The following GFPT1 variants were observed in gnomAD, a reference collection of about 807,000 sequenced individuals.
The protein encoded by GFPT1 is glutamine--fructose-6-phosphate aminotransferase [isomerizing] 1.
Under a neutral mutation model 92.0 loss-of-function variants are expected in GFPT1, and 40 were observed. The ratio of observed to expected loss-of-function variants is 0.43; its 90% confidence interval spans 0.34 to 0.57. The LOEUF is 0.57. Ranked by LOEUF, GFPT1 falls within the 20% of genes least tolerant of loss-of-function variation. The probability of loss-of-function intolerance (pLI) is 0.02; values close to 1 mark genes in which losing one functional copy is unlikely to be tolerated. For synonymous variants in GFPT1, 269 were observed against 280.6 expected (o/e 0.96, Z 0.41); for missense variants, 448 against 869.1 (o/e 0.52, Z 6.09).
intron 4 of GFPT1, among the ~76,000 whole-genome samples, chr2:69,363,229 G>A (rs760133693): frequency 6.6e-6 from 1 of 152,012 alleles, no homozygotes; most frequent in Non-Finnish European, 1.5e-5. Context: ...TCAGTCTCCC[G>A]AGTAGCTGAG....
chr2:69,354,044 T>G (rs2104647135), intron 9 of GFPT1, among the ~76,000 whole-genome samples: 1 of 152,344 alleles, frequency 6.6e-6, no homozygotes, highest in African/African-American at 2.4e-5. Flanking sequence ...ATTTCAGAAA[T>G]TTTAATGAAA....
At chr2:69,346,486 C>T (rs1366020273) in intron 11 of GFPT1, among the ~76,000 whole-genome samples, 2 of 152,176 alleles carry the variant, frequency 1.3e-5, no homozygotes, top group African/African-American at 4.8e-5. Context: ...GATCCAACCA[C>T]CTCGGCCTCC....
At chr2:69,359,949 C>A (rs1671426300) in intron 4 of GFPT1, among the ~76,000 whole-genome samples, 1 of 152,036 alleles carries the variant, frequency 6.6e-6, no homozygotes, top group African/African-American at 2.4e-5. Flanking sequence ...TAATTTTCAT[C>A]TTTTTTAACT....
chr2:69,375,591 T>TCCAGG (rs1377549884), intron 1 of GFPT1, among the ~76,000 whole-genome samples: 2 of 152,150 alleles, frequency 1.3e-5, no homozygotes, highest in Non-Finnish European at 2.9e-5. Context: ...AAGAAGCAGT[T>TCCAGG]CCAGGCCAAA....
chr2:69,384,769 AAG>A (rs1672093256), intron 1 of GFPT1, among the ~76,000 whole-genome samples: 2 of 146,580 alleles, frequency 1.4e-5, no homozygotes, highest in Non-Finnish European at 3.0e-5. Context: ...AGAAAGAAGA[AAG>A]AAAGAAAAAG....
intron 3 of GFPT1, 66 bp from the exon 4 acceptor site, chr2:69,363,736 A>C: frequency 2.8e-6 from 3 of 1,083,352 alleles, no homozygotes. Context: ...TATAAGCTAT[A>C]TTTAAATACA....
chr2:69,374,843 T>A (rs1215233964), intron 1 of GFPT1, among the ~76,000 whole-genome samples: 1 of 152,180 alleles, frequency 6.6e-6, no homozygotes. Flanking sequence ...TCAGTGACAT[T>A]TAGGAATAAA....
At chr2:69,377,491 A>C (rs1338633346) in intron 1 of GFPT1, among the ~76,000 whole-genome samples, 7 of 89,530 alleles carry the variant, frequency 7.8e-5, no homozygotes, top group African/African-American at 4.5e-4. Context: ...TCTACTAAAA[A>C]TAAAAATAAA....
At chr2:69,387,012 C>T in intron 1 of GFPT1, 53 bp downstream of exon 1, 1 of 1,368,024 alleles carries the variant, frequency 7.3e-7, no homozygotes, top group East Asian at 2.5e-5. Flanking sequence ...GCGGCACCCG[C>T]ACCGCACCCC....
At position 69,354,532 on chromosome 2, in the gene GFPT1, T is replaced by C. The variant is rs2104648039; in HGVS notation, c.642A>G (p.Glu214=). The change falls in exon 8 of 20, where the codon GAA becomes GAG. Residue 214 remains glutamate (E), a synonymous_variant. Transcript: ENST00000357308. The part of the protein sequence containing the change: ...GSPLLIGVRS[E]HKLSTDHIPI... ...GAATGTGATCAGTAGAAAGTTTATGTTCACTCCGTACACCAATCAACAGAG... is the reference window on the plus strand; with the variant it reads ...GAATGTGATCAGTAGAAAGTTTATGCTCACTCCGTACACCAATCAACAGAG... 1.2e-6 allele frequency: 2 copies of C among 1,611,260 alleles called. No individual in the cohort carries two copies. The highest frequency in any genetic ancestry group is 1.7e-6 in the Non-Finnish European group (2 of 1,177,402).
chr2:69,355,458 C>T (rs1671314720), intron 7 of GFPT1, among the ~76,000 whole-genome samples: 1 of 152,008 alleles, frequency 6.6e-6, no homozygotes, highest in Non-Finnish European at 1.5e-5. Flanking sequence ...TATTTTGGAA[C>T]ATACCCATGC....
chr2:69,337,029 TA>T (rs1670816991), intron 15 of GFPT1, among the ~76,000 whole-genome samples: 1 of 151,546 alleles, frequency 6.6e-6, no homozygotes, highest in Admixed American at 6.6e-5. Flanking sequence ...CAATACTCAT[TA>T]AAAAATTTTT....
intron 12 of GFPT1, among the ~76,000 whole-genome samples, chr2:69,344,465 G>A (rs1014805817): frequency 1.3e-5 from 2 of 152,248 alleles, no homozygotes; most frequent in Non-Finnish European, 2.9e-5. Context: ...CTGATGGACA[G>A]GGGAGGGGAT....
In GFPT1 at chr2:69,354,540, G is replaced by A. The variant is rs1268229556; in HGVS notation, c.634C>T (p.Arg212Trp). 2.5e-6 allele frequency: 4 copies of A among 1,609,998 alleles called. No homozygotes were observed. Among genetic ancestry groups the A allele is most frequent in the African/African-American group, 1.3e-5 (1 of 74,770 alleles). Residue 212 changes from arginine to tryptophan, a missense_variant, in exon 8 of 20, where the codon CGG becomes TGG. Around this residue, in one of 7 missense-constraint regions of GFPT1, gnomAD observed 118 missense variants for 192.9 expected, o/e 0.61. Coordinates refer to ENST00000357308, the MANE Select transcript of GFPT1 (RefSeq NM_001244710.2). Reference sequence around the variant, plus strand: ...TCAGTAGAAAGTTTATGTTCACTCCGTACACCAATCAACAGAGGGCTACCT... The same window carrying A: ...TCAGTAGAAAGTTTATGTTCACTCCATACACCAATCAACAGAGGGCTACCT... The part of the protein sequence containing the change: ...RRGSPLLIGV[R>W]SEHKLSTDHI...
At chr2:69,381,556 CTT>C (rs113920856) in intron 1 of GFPT1, among the ~76,000 whole-genome samples, 14 of 140,608 alleles carry the variant, frequency 1.0e-4, no homozygotes, top group Non-Finnish European at 7.8e-5. Context: ...CTACTTGTAA[CTT>C]TTTTTTTTTT....
rs763099784 is a variant in GFPT1 at position 69,358,082 on chromosome 2, C to T, written c.543+247G>A. Among the ~76,000 whole-genome samples the T allele has an allele frequency of 7.2e-5, 11 of 151,910 alleles. 1 individual carries two copies. Among genetic ancestry groups the T allele is most frequent in the African/African-American group, 2.7e-4 (11 of 41,312 alleles). ...CATATATGCATAGTTTTTAGACACA[C>T]TGATTTTGGATTAATTTTCATTTTC... On this transcript the variant is annotated intron_variant, in intron 6 of 19. Transcript: ENST00000357308.
Position 69,350,121 on chromosome 2 carries a change from C to T in GFPT1, c.802G>A (p.Val268Met), listed in dbSNP as rs1558751212. 6.2e-7 allele frequency: 1 copy of T among 1,613,960 alleles called. No homozygotes were observed. Among genetic ancestry groups the T allele is most frequent in the East Asian group, 2.2e-5 (1 of 44,872 alleles). Residue 268 changes from valine (V) to methionine (M), a missense_variant, in exon 10 of 20, where the codon GTG becomes ATG. Transcript: ENST00000357308. ...TAATACTCCACTGCTTTTTCTTCCA[C>T]CGGGAAAAGGCAGGTTGTGCTGTCC... ...RVDSTTCLFP[V>M]EEKAVEYYFA... is the part of the protein sequence containing the mutation.
At chr2:69,339,353 T>G (rs147330684) in intron 13 of GFPT1, among the ~76,000 whole-genome samples, 1 of 152,272 alleles carries the variant, frequency 6.6e-6, no homozygotes, top group African/African-American at 2.4e-5. Flanking sequence ...TTAGAAATCT[T>G]GTTTAACAGG....
chr2:69,353,980 A>G (rs1034210545), intron 9 of GFPT1, among the ~76,000 whole-genome samples: 2 of 152,220 alleles, frequency 1.3e-5, no homozygotes, highest in Admixed American at 6.5e-5. Context: ...CATACATCCT[A>G]CATGATTTTA....
Sources: allele counts gnomAD v4.1 joint callset (sites outside exome capture counted in the v4.1 genomes callset), GRCh38; gene constraint gnomAD v4.1.1; regional missense constraint gnomAD v4.1.1; transcripts MANE v1.5; gene names NCBI Gene and HGNC (gene_info 2026-07-23, HGNC 2026-07-21).